MED12L: variants seen among roughly 807,000 people sequenced by gnomAD.
MED12L encodes the protein mediator of RNA polymerase II transcription subunit 12-like protein.
MED12L carries 60 observed loss-of-function variants against 281.3 expected under a neutral mutation model. The observed-to-expected ratio is 0.21, with a 90% CI of 0.17 to 0.26. The LOEUF (loss-of-function observed/expected upper bound fraction) is 0.26. Among genes scored for constraint, MED12L ranks in the 10% least tolerant of loss-of-function variants. The pLI, the probability that MED12L is intolerant of heterozygous loss-of-function variation, is 1.00. For synonymous variants in MED12L, 974 were observed against 987.2 expected, an observed-to-expected ratio of 0.99 and a Z score of 0.25; for missense variants, 2,146 against 2,680.9, an observed-to-expected ratio of 0.80 and a Z score of 4.41.
intron 5 of MED12L, among the ~76,000 whole-genome samples, chr3:151,153,499 C>T (rs1032259606): frequency 1.3e-5 from 2 of 152,008 alleles, no homozygotes; most frequent in African/African-American, 4.8e-5. Context: ...GTATTTTCTA[C>T]CCCTGAACAT....
chr3:151,132,898 G>A (rs1715604684), intron 5 of MED12L, among the ~76,000 whole-genome samples: 1 of 152,202 alleles, frequency 6.6e-6, no homozygotes, highest in Admixed American at 6.5e-5. Flanking sequence ...ATAATGTAAT[G>A]TAGCAAGTTT....
intron 20 of MED12L, among the ~76,000 whole-genome samples, chr3:151,360,128 A>G (rs1157026446): frequency 1.3e-5 from 2 of 152,088 alleles, no homozygotes; most frequent in African/African-American, 4.8e-5. Flanking sequence ...GAATTTGTGA[A>G]TCTGCGGAGG....
At chr3:151,263,654 A>C (rs12330831) in intron 16 of MED12L, among the ~76,000 whole-genome samples, 67,747 of 152,016 alleles carry the variant, frequency 0.45, 15,335 homozygotes, top group Middle Eastern at 0.65. Flanking sequence ...AATCCAAGAA[A>C]AAATTAATTT....
intron 16 of MED12L, among the ~76,000 whole-genome samples, chr3:151,311,347 T>A (rs1389330813): frequency 6.6e-6 from 1 of 151,564 alleles, no homozygotes; most frequent in Non-Finnish European, 1.5e-5. Flanking sequence ...ATATATATAT[T>A]TAGTGTTGTT....
intron 16 of MED12L, chr3:151,295,425 C>T: frequency 1.9e-6 from 1 of 521,404 alleles, no homozygotes; most frequent in Non-Finnish European, 3.4e-6. Context: ...TATCAGGACC[C>T]TTGAGTAAAA....
At chr3:151,091,249 T>C (rs1199797717) in intron 2 of MED12L, among the ~76,000 whole-genome samples, 1 of 152,100 alleles carries the variant, frequency 6.6e-6, no homozygotes, top group African/African-American at 2.4e-5. Flanking sequence ...CCCGAAGATA[T>C]ACACAGCATG....
In MED12L at chr3:151,367,714, T is replaced by C; in HGVS notation, c.3396T>C (p.Phe1132=). The C allele has an allele frequency of 6.2e-7, 1 of 1,612,200 alleles. No individual in the cohort carries two copies. The highest frequency in any genetic ancestry group is 2.2e-5 in the East Asian group (1 of 44,770). Residue 1132 remains phenylalanine (F), a synonymous_variant, in exon 24 of 45, where the codon TTT becomes TTC. Coordinates refer to ENST00000687756, the MANE Select transcript of MED12L (RefSeq NM_001393769.1). ...FIAILIARQC[F]SLEDVVQHVA... is the part of the protein sequence containing the mutation. The stretch of plus-strand genomic sequence containing the variant: ...CTATTCTGATAGCACGACAGTGTTT[T>C]TCCCTGGAGGACGTCGTGCAGCATG...
rs755157659 is a variant in MED12L, at chr3:151,328,383, G to A, written c.2251-21676G>A. 4 of 1,613,386 alleles carry A rather than the reference G, an allele frequency of 2.5e-6. No individual in the cohort carries two copies. In the South Asian group the frequency reaches 3.3e-5, roughly 13 times the overall value. The stretch of plus-strand genomic sequence containing the variant: ...TTTGCAATAACCACATAAAACACAA[G>A]CATTAGGATAAAAACAGTCCAGAAA... On this transcript the variant is annotated intron_variant, in intron 16 of 44. Coordinates refer to ENST00000687756, the MANE Select transcript of MED12L (RefSeq NM_001393769.1).
intron 16 of MED12L, chr3:151,198,603 A>T (rs747080862): frequency 8.1e-6 from 13 of 1,614,006 alleles, no homozygotes; most frequent in Non-Finnish European, 1.1e-5. Context: ...TTGAAGAGTG[A>T]AATCCTGGTT....
chr3:151,434,638 A>G lies in MED12L; in HGVS notation c.*1834A>G, dbSNP rs995065993. 8 of 152,264 alleles carry G rather than the reference A, an allele frequency of 5.3e-5. No individual in the cohort carries two copies. The highest frequency in any genetic ancestry group is 1.2e-4 in the Non-Finnish European group (8 of 68,048). The allele number at this position is 152,264 out of a possible 1,614,324, so 9.4% of individuals were successfully genotyped here. A position where few individuals can be genotyped will look rare whatever the true frequency, so the allele number is the denominator to read the frequency against. ...GTTTTCTTCAAAGTAATATATCTAT[A>G]TAATGACTGCATTGGCAAATCAACC... On this transcript the variant is annotated 3_prime_UTR_variant, in exon 45 of 45. Coordinates refer to ENST00000687756, the MANE Select transcript of MED12L (RefSeq NM_001393769.1).
At chr3:151,100,346 T>C (rs1721244921) in intron 2 of MED12L, among the ~76,000 whole-genome samples, 2 of 152,198 alleles carry the variant, frequency 1.3e-5, no homozygotes. Context: ...TTTGGTAGAA[T>C]TTGCTGCTTT....
At chr3:151,250,213 T>G (rs1333525518) in intron 16 of MED12L, among the ~76,000 whole-genome samples, 2 of 152,170 alleles carry the variant, frequency 1.3e-5, no homozygotes, top group East Asian at 3.8e-4. Context: ...TCATTGCACA[T>G]TCCTCAATCC....
intron 16 of MED12L, chr3:151,328,296 C>G (rs1160689762): frequency 6.2e-7 from 1 of 1,613,804 alleles, no homozygotes; most frequent in Non-Finnish European, 8.5e-7. Context: ...ACTTTGCCTT[C>G]CAGCTTTTTG....
At chr3:151,304,648 G>C (rs1746400522) in intron 16 of MED12L, among the ~76,000 whole-genome samples, 2 of 151,824 alleles carry the variant, frequency 1.3e-5, no homozygotes, top group Admixed American at 1.3e-4. Context: ...GTGGCACCGT[G>C]GTGGAGTGTA....
chr3:151,309,121 ACACACACACACACACACACG>A (rs1560011210), intron 16 of MED12L, among the ~76,000 whole-genome samples: 158 of 119,984 alleles, frequency 1.3e-3, no homozygotes, highest in African/African-American at 4.6e-3. Flanking sequence ...AAATACACGC[ACACACACACACACACACACG>A]CACACACACA....
intron 11 of MED12L, among the ~76,000 whole-genome samples, chr3:151,174,099 G>C (rs1560119988): frequency 6.6e-6 from 1 of 152,180 alleles, no homozygotes; most frequent in Non-Finnish European, 1.5e-5. Flanking sequence ...GAGCACCCCA[G>C]TTTGAAAATC....
At chr3:151,312,349 A>G (rs1004076447) in intron 16 of MED12L, among the ~76,000 whole-genome samples, 1 of 152,242 alleles carries the variant, frequency 6.6e-6, no homozygotes, top group African/African-American at 2.4e-5. Context: ...ATGTGCAAAC[A>G]GTCCAAGTAT....
rs372978767 is a variant in MED12L at position 151,164,949 on chromosome 3, A to G, written c.1258-471A>G. ...GCACACCAACATGGCGCATGTATACATATGTAACAAACCTGCACATTGTGC... is the reference window on the plus strand; with the variant it reads ...GCACACCAACATGGCGCATGTATACGTATGTAACAAACCTGCACATTGTGC... On this transcript the variant is annotated intron_variant, in intron 9 of 44. Transcript: ENST00000687756. Among the ~76,000 whole-genome samples the G allele has an allele frequency of 4.6e-5, 7 of 152,148 alleles. No homozygotes were observed. The East Asian group carries it at 7.7e-4, about 17-fold the overall frequency.
At chr3:151,152,857 T>C (rs1718737002) in intron 5 of MED12L, among the ~76,000 whole-genome samples, 1 of 152,176 alleles carries the variant, frequency 6.6e-6, no homozygotes, top group Non-Finnish European at 1.5e-5. Flanking sequence ...TCTGGTGGTG[T>C]AACACCGCCA....
Sources: gnomAD v4.1 joint callset for allele counts (sites outside exome capture counted in the v4.1 genomes callset) on GRCh38, gnomAD v4.1.1 for gene constraint, MANE v1.5 for transcripts, NCBI Gene and HGNC (gene_info 2026-07-23, HGNC 2026-07-21) for gene names.